The following GRIK2 variants were observed in gnomAD, a reference collection of about 807,000 sequenced individuals.
The protein encoded by GRIK2 is glutamate ionotropic receptor kainate type subunit 2, also known as glutamate receptor ionotropic, kainate 2.
Under a neutral mutation model 100.3 loss-of-function variants are expected in GRIK2, and 32 were observed. The ratio of observed to expected loss-of-function variants is 0.32; its 90% confidence interval spans 0.24 to 0.43. The LOEUF is 0.43. Among genes scored for constraint, GRIK2 ranks in the 20% least tolerant of loss-of-function variants. The probability of loss-of-function intolerance (pLI) is 1.00; values close to 1 mark genes in which losing one functional copy is unlikely to be tolerated. For missense variants in GRIK2, 843 were observed against 1,114.9 expected, an observed-to-expected ratio of 0.76 and a Z score of 3.47; for synonymous variants, 417 against 389.4, an observed-to-expected ratio of 1.07 and a Z score of -0.83.
intron 2 of GRIK2, among the ~76,000 whole-genome samples, chr6:101,612,722 G>A (rs1344478283): frequency 8.7e-5 from 8 of 91,460 alleles, no homozygotes; most frequent in Admixed American, 7.5e-4. Context: ...GTTAATGTGT[G>A]TGTGTGTGTG....
intron 2 of GRIK2, among the ~76,000 whole-genome samples, chr6:101,425,677 C>A (rs1482786795): frequency 2.6e-5 from 4 of 152,166 alleles, no homozygotes; most frequent in Non-Finnish European, 5.9e-5. Context: ...GTATCACAGG[C>A]CAATTCAAAT....
chr6:102,036,256 C>T (rs1203391532), intron 15 of GRIK2, among the ~76,000 whole-genome samples: 20 of 150,850 alleles, frequency 1.3e-4, no homozygotes, highest in African/African-American at 4.9e-4. Context: ...CACACACACA[C>T]ACACATATAT....
intron 14 of GRIK2, among the ~76,000 whole-genome samples, chr6:102,001,853 T>A (rs1196736554): frequency 1.3e-5 from 2 of 151,996 alleles, no homozygotes; most frequent in African/African-American, 4.8e-5. Context: ...AATTGTGCTA[T>A]TTTCTAAGTA....
intron 14 of GRIK2, among the ~76,000 whole-genome samples, chr6:102,028,688 C>G (rs1162289425): frequency 6.7e-6 from 1 of 150,200 alleles, no homozygotes; most frequent in Non-Finnish European, 1.5e-5. Flanking sequence ...GCTAATTACT[C>G]TGTATAATAT....
rs9498605 is a variant in GRIK2, at chr6:101,508,413, G to A, written c.115+109021G>A. Among the ~76,000 whole-genome samples, 441 of 152,166 alleles carry A rather than the reference G, an allele frequency of 2.9e-3. 3 individuals carry two copies. The highest frequency in any genetic ancestry group is 0.01 in the African/African-American group (430 of 41,514). ...ACAAAATGTTAAATAAATTAAGGACGTTCCTGAGACTAAGTCATCCCTCAA... is the reference window on the plus strand; with the variant it reads ...ACAAAATGTTAAATAAATTAAGGACATTCCTGAGACTAAGTCATCCCTCAA... On this transcript the variant is annotated intron_variant, in intron 2 of 16. Coordinates refer to ENST00000369134, the MANE Select transcript of GRIK2 (RefSeq NM_021956.5).
At chr6:101,831,278 TATC>T (rs1239990915) in intron 10 of GRIK2, among the ~76,000 whole-genome samples, 9 of 152,148 alleles carry the variant, frequency 5.9e-5, no homozygotes, top group Non-Finnish European at 1.2e-4. Flanking sequence ...TGGAGATAAT[TATC>T]ATCAGTAGTT....
At chr6:101,933,842 T>C (rs977536831) in intron 14 of GRIK2, among the ~76,000 whole-genome samples, 6 of 151,974 alleles carry the variant, frequency 3.9e-5, no homozygotes, top group Non-Finnish European at 8.8e-5. Flanking sequence ...AATTATCTGT[T>C]AAAAGTCATT....
At chr6:101,435,731 C>G (rs924125377) in intron 2 of GRIK2, among the ~76,000 whole-genome samples, 12 of 152,260 alleles carry the variant, frequency 7.9e-5, no homozygotes, top group African/African-American at 2.9e-4. Context: ...AACCCACTTT[C>G]TCTTCTGATT....
chr6:101,849,813 GTTTTTTTTTTTTT>G (rs36010543), intron 10 of GRIK2, among the ~76,000 whole-genome samples: 41 of 53,872 alleles, frequency 7.6e-4, no homozygotes, highest in Non-Finnish European at 1.1e-3. Context: ...AAAAAGGAGG[GTTTTTTTTTTTTT>G]TTTTTTTTTT....
intron 7 of GRIK2, among the ~76,000 whole-genome samples, chr6:101,770,293 T>A (rs1339927913): frequency 6.6e-6 from 1 of 152,182 alleles, no homozygotes; most frequent in African/African-American, 2.4e-5. Context: ...GGTTTTCCTC[T>A]GAGTCCTTGC....
intron 7 of GRIK2, among the ~76,000 whole-genome samples, chr6:101,712,269 A>G (rs1252818042): frequency 6.6e-5 from 10 of 151,848 alleles, no homozygotes; most frequent in Non-Finnish European, 1.5e-4. Flanking sequence ...AGCAGCATCA[A>G]CATCCATGCA....
intron 2 of GRIK2, among the ~76,000 whole-genome samples, chr6:101,477,790 C>T (rs996880232): frequency 1.3e-5 from 2 of 152,198 alleles, no homozygotes; most frequent in African/African-American, 4.8e-5. Flanking sequence ...TTAGAAAGAA[C>T]TTCAAATAGA....
intron 14 of GRIK2, among the ~76,000 whole-genome samples, chr6:102,017,228 A>C (rs1769162663): frequency 6.6e-6 from 1 of 152,122 alleles, no homozygotes; most frequent in Non-Finnish European, 1.5e-5. Context: ...TGAAAACATG[A>C]TGACAATAAA....
intron 2 of GRIK2, among the ~76,000 whole-genome samples, chr6:101,498,965 A>T (rs927009145): frequency 6.6e-6 from 1 of 152,162 alleles, no homozygotes; most frequent in Non-Finnish European, 1.5e-5. Context: ...CTGAATGGTA[A>T]TGCCTAGGTT....
At chr6:101,539,795 T>A (rs1193789367) in intron 2 of GRIK2, among the ~76,000 whole-genome samples, 3 of 151,830 alleles carry the variant, frequency 2.0e-5, no homozygotes, top group Non-Finnish European at 4.4e-5. Flanking sequence ...GATTTTTTTT[T>A]AATTTTAACA....
At chr6:101,994,734 C>A (rs958538098) in intron 14 of GRIK2, among the ~76,000 whole-genome samples, 1 of 151,732 alleles carries the variant, frequency 6.6e-6, no homozygotes, top group Non-Finnish European at 1.5e-5. Context: ...TGAACATATG[C>A]CCCATTTTTT....
In GRIK2 at chr6:101,455,590, TA is replaced by T. The variant is rs571467600; in HGVS notation, c.115+56208del. Among the ~76,000 whole-genome samples, 295 of 148,780 alleles carry T rather than the reference TA, an allele frequency of 2.0e-3. 2 individuals are homozygous for T. Among genetic ancestry groups the T allele is most frequent in the African/African-American group, 4.9e-3 (200 of 40,696 alleles). On this transcript the variant is annotated intron_variant, in intron 2 of 16. Coordinates refer to ENST00000369134, the MANE Select transcript of GRIK2 (RefSeq NM_021956.5). Reference sequence around the variant, plus strand: ...TAGAAATATACTTCCCAAGTTAATTTAAAAAAAAAAGTGACTATTTCGGGGA... The same window carrying T: ...TAGAAATATACTTCCCAAGTTAATTTAAAAAAAAAGTGACTATTTCGGGGA...
At chr6:101,998,368 G>A (rs1367985893) in intron 14 of GRIK2, among the ~76,000 whole-genome samples, 1 of 151,808 alleles carries the variant, frequency 6.6e-6, no homozygotes, top group Admixed American at 6.6e-5. Flanking sequence ...TTTTCATTTT[G>A]CTTAAATATT....
At chr6:102,005,665 A>G (rs1032365085) in intron 14 of GRIK2, among the ~76,000 whole-genome samples, 4 of 152,148 alleles carry the variant, frequency 2.6e-5, no homozygotes, top group Non-Finnish European at 4.4e-5. Flanking sequence ...TGCTTAAAGC[A>G]TAACATTTAG....
Sources: allele counts gnomAD v4.1 joint callset (sites outside exome capture counted in the v4.1 genomes callset), GRCh38; gene constraint gnomAD v4.1.1; transcripts MANE v1.5; gene names NCBI Gene and HGNC (gene_info 2026-07-23, HGNC 2026-07-21).